Variants in STON2 observed in about 807,000 individuals in gnomAD.
STON2 encodes the protein stonin 2, also known as stonin-2.
Under a neutral mutation model 65.7 loss-of-function variants are expected in STON2, and 29 were observed. The ratio of observed to expected loss-of-function variants is 0.44; its 90% CI spans 0.33 to 0.60. STON2 has a LOEUF of 0.60. Among genes scored for constraint, STON2 ranks in the 20% least tolerant of loss-of-function variants. The probability of loss-of-function intolerance (pLI) is 0.03; values close to 1 mark genes in which losing one functional copy is unlikely to be tolerated. For synonymous variants in STON2, 404 were observed against 414.2 expected (o/e 0.98, Z 0.30); for missense variants, 1,054 against 1,118.1 (o/e 0.94, Z 0.82).
At chr14:81,395,614 A>G in intron 3 of STON2, 1 of 369,454 alleles carries the variant, frequency 2.7e-6, no homozygotes, top group Non-Finnish European at 4.9e-6. Context: ...TCCCTAATAG[A>G]AAAATATATA....
At chr14:81,337,892 A>C (rs564398565) in intron 4 of STON2, among the ~76,000 whole-genome samples, 2 of 152,310 alleles carry the variant, frequency 1.3e-5, no homozygotes, top group Admixed American at 1.3e-4. Flanking sequence ...TGAACCTAGG[A>C]GTTCAAGAAC....
chr14:81,296,986 T>C (rs1004520807), intron 5 of STON2, among the ~76,000 whole-genome samples: 2 of 152,194 alleles, frequency 1.3e-5, no homozygotes, highest in Non-Finnish European at 2.9e-5. Context: ...AAGATCTTTA[T>C]GGTATGAGTT....
At chr14:81,431,751 T>G (rs1325905010) in intron 1 of STON2, among the ~76,000 whole-genome samples, 1 of 146,520 alleles carries the variant, frequency 6.8e-6, no homozygotes, top group Non-Finnish European at 1.5e-5. Context: ...CACTCTAGGC[T>G]AGGCAACAAC....
intron 5 of STON2, among the ~76,000 whole-genome samples, chr14:81,281,860 T>G (rs1434641965): frequency 6.6e-6 from 1 of 152,222 alleles, no homozygotes; most frequent in Non-Finnish European, 1.5e-5. Context: ...TTCTAGGGAT[T>G]CTATTTTCTT....
chr14:81,373,869 A>T (rs1435155493), intron 3 of STON2, among the ~76,000 whole-genome samples: 1 of 151,956 alleles, frequency 6.6e-6, no homozygotes, highest in Non-Finnish European at 1.5e-5. Flanking sequence ...ATAACCACAA[A>T]TTTTTTCACA....
Position 81,277,716 on chromosome 14 carries a change from G to A in STON2, c.1766C>T (p.Thr589Ile). 5 of 1,614,154 alleles carry A rather than the reference G, an allele frequency of 3.1e-6. No individual in the cohort carries two copies. The highest frequency in any genetic ancestry group is 4.2e-6 in the Non-Finnish European group (5 of 1,180,030). ...ACTCAGGAAGTCATCGTAATTGGTG[G>A]TGCCCAGCTTAATCACCTGTTCCCT... is the stretch of plus-strand genomic sequence containing the variant. ...AEREQVIKLG[T>I]TNYDDFLSFI... Residue 589 changes from threonine (T) to isoleucine (I), a missense_variant, in exon 6 of 8, where the codon ACC (threonine) becomes ATC (isoleucine). Transcript: ENST00000614646.
At chr14:81,281,588 C>G (rs1201903230) in intron 5 of STON2, among the ~76,000 whole-genome samples, 1 of 152,174 alleles carries the variant, frequency 6.6e-6, no homozygotes, top group Non-Finnish European at 1.5e-5. Flanking sequence ...TCTGCCAAAG[C>G]TGTTTACACT....
chr14:81,312,308 C>T (rs1896456068), intron 5 of STON2, among the ~76,000 whole-genome samples: 1 of 152,118 alleles, frequency 6.6e-6, no homozygotes, highest in East Asian at 1.9e-4. Flanking sequence ...CAGAGAAAGC[C>T]TGACTTTGGC....
At chr14:81,314,777 TTCCTC>T (rs1896557469) in intron 5 of STON2, among the ~76,000 whole-genome samples, 1 of 152,218 alleles carries the variant, frequency 6.6e-6, no homozygotes, top group African/African-American at 2.4e-5. Flanking sequence ...TTAAGCAACT[TTCCTC>T]TGTAGCTTCC....
chr14:81,392,637 A>G (rs915732119), intron 3 of STON2, among the ~76,000 whole-genome samples: 4 of 152,200 alleles, frequency 2.6e-5, no homozygotes, highest in Non-Finnish European at 4.4e-5. Flanking sequence ...TGTGATTTTA[A>G]AAAATAATTT....
intron 3 of STON2, among the ~76,000 whole-genome samples, chr14:81,388,911 C>T (rs1342948076): frequency 6.6e-6 from 1 of 152,166 alleles, no homozygotes; most frequent in Non-Finnish European, 1.5e-5. Context: ...AGTAAGGTTT[C>T]ACTTTTTCTT....
intron 2 of STON2, among the ~76,000 whole-genome samples, chr14:81,425,783 A>G (rs1001781580): frequency 6.6e-6 from 1 of 152,226 alleles, no homozygotes; most frequent in African/African-American, 2.4e-5. Flanking sequence ...TACCACATAT[A>G]GAGGCCAGAT....
In STON2 at chr14:81,277,977, T is replaced by A. The variant is rs1195485200; in HGVS notation, c.1505A>T (p.His502Leu). Reference sequence around the variant, plus strand: ...CAGTTTGACGAAGATCGGTCCCCAGTGCCTGGAGGACATGATGTTTTTCTT... The same window carrying A: ...CAGTTTGACGAAGATCGGTCCCCAGAGCCTGGAGGACATGATGTTTTTCTT... ...PEKKNIMSSR[H>L]WGPIFVKLTD... Residue 502 changes from histidine (H) to leucine (L), a missense_variant, in exon 6 of 8, where the codon CAC becomes CTC. By Grantham distance (99) the His-to-Leu change is moderately conservative. Coordinates refer to ENST00000614646, the MANE Select transcript of STON2 (RefSeq NM_001394390.1). 5.0e-6 allele frequency: 8 copies of A among 1,614,062 alleles called. No homozygotes were observed. The highest frequency in any genetic ancestry group is 6.8e-6 in the Non-Finnish European group (8 of 1,180,036).
chr14:81,270,711 C>T lies in STON2; in HGVS notation c.2743G>A (p.Val915Ile), dbSNP rs903615944. 8 of 1,614,042 alleles carry T rather than the reference C, an allele frequency of 5.0e-6. No homozygotes were observed. Among genetic ancestry groups the T allele is most frequent in the South Asian group, 1.1e-5 (1 of 91,090 alleles). ...RSISVEDKTD[V>I]RKWVNYSAHY... ...GCAGAATAATTGACCCACTTCCTGA[C>T]GTCAGTCTTGTCTTCTACAGAGATA... The change falls in exon 7 of 8, where the codon GTC becomes ATC. Residue 915 changes from valine to isoleucine, a missense_variant. By Grantham distance (29) the Val-to-Ile change is conservative. Coordinates refer to ENST00000614646, the MANE Select transcript of STON2 (RefSeq NM_001394390.1).
At chr14:81,325,304 T>C (rs1469600668) in intron 4 of STON2, among the ~76,000 whole-genome samples, 2 of 152,236 alleles carry the variant, frequency 1.3e-5, no homozygotes, top group Non-Finnish European at 2.9e-5. Context: ...TAGCTTCTCA[T>C]AGCCTTTTGT....
At chr14:81,333,123 GA>G in intron 4 of STON2, 1 of 1,257,544 alleles carries the variant, frequency 8.0e-7, no homozygotes, top group East Asian at 2.3e-5. Flanking sequence ...CATAATCCAA[GA>G]AATCATAAAT....
At chr14:81,273,214 T>C (rs1031510001) in intron 6 of STON2, among the ~76,000 whole-genome samples, 1 of 152,254 alleles carries the variant, frequency 6.6e-6, no homozygotes, top group South Asian at 2.1e-4. Context: ...ACTAGAATTC[T>C]AGCATCGACT....
At chr14:81,334,450 A>G (rs571534278) in intron 4 of STON2, among the ~76,000 whole-genome samples, 1 of 152,170 alleles carries the variant, frequency 6.6e-6, no homozygotes, top group African/African-American at 2.4e-5. Flanking sequence ...GAAAAACTTG[A>G]CCAATCTTCT....
chr14:81,264,170 C>CT lies in STON2; in HGVS notation c.*4243dup. On this transcript the variant is annotated 3_prime_UTR_variant, in exon 8 of 8. Transcript: ENST00000614646. ...TATGGACAGCATCTATGCTACTATGCTTTGGGGCACAAAAATGTTTTTCAA... is the reference window on the plus strand; with the variant it reads ...TATGGACAGCATCTATGCTACTATGCTTTTGGGGCACAAAAATGTTTTTCAA... The CT allele has an allele frequency of 2.0e-6, 2 of 985,412 alleles. No homozygotes were observed. The highest frequency in any genetic ancestry group is 3.5e-5 in the African/African-American group (2 of 57,346). The allele number at this position is 985,412 out of a possible 1,614,324, so 61.0% of individuals were successfully genotyped here.
Sources: gnomAD v4.1 joint callset for allele counts (sites outside exome capture counted in the v4.1 genomes callset) on GRCh38, gnomAD v4.1.1 for gene constraint, MANE v1.5 for transcripts, NCBI Gene and HGNC (gene_info 2026-07-23, HGNC 2026-07-21) for gene names.